RBM26: variants seen among roughly 807,000 people sequenced by gnomAD.
RBM26 encodes RNA binding motif protein 26.
Under a neutral mutation model 123.6 loss-of-function variants are expected in RBM26, and 30 were observed. That is an observed-to-expected ratio of 0.24 (90% confidence interval 0.18 to 0.33). The LOEUF is 0.33. RBM26 is among the 10% of genes least tolerant of loss of function. The pLI, the probability that RBM26 is intolerant of heterozygous loss-of-function variation, is 1.00. For synonymous variants in RBM26, 400 were observed against 404.4 expected (o/e 0.99, Z 0.13); for missense variants, 947 against 1,203.6 (o/e 0.79, Z 3.15).
intron 14 of RBM26, among the ~76,000 whole-genome samples, chr13:79,352,526 TAATA>T (rs547829547): frequency 1.2e-3 from 181 of 152,178 alleles, no homozygotes; most frequent in African/African-American, 4.2e-3. Context: ...GGTCTTGATT[TAATA>T]AATATTTACC....
chr13:79,324,704 TA>T (rs1220852875), intron 20 of RBM26, among the ~76,000 whole-genome samples: 1 of 151,874 alleles, frequency 6.6e-6, no homozygotes, highest in African/African-American at 2.4e-5. Context: ...ATATTAAGAC[TA>T]TTTTTTTTAA....
At chr13:79,354,311 G>T in intron 13 of RBM26, 128 bp downstream of exon 13, 1 of 733,922 alleles carries the variant, frequency 1.4e-6, no homozygotes, top group Non-Finnish European at 1.9e-6. Context: ...TTATAGGTGG[G>T]GTTCAAATAT....
intron 14 of RBM26, among the ~76,000 whole-genome samples, chr13:79,348,696 T>G (rs1047940977): frequency 2.0e-5 from 3 of 152,176 alleles, no homozygotes; most frequent in Non-Finnish European, 4.4e-5. Flanking sequence ...GTTTTCATAG[T>G]AAGTAGTCAC....
intron 3 of RBM26, among the ~76,000 whole-genome samples, chr13:79,373,360 T>C (rs1413962583): frequency 5.8e-5 from 6 of 103,616 alleles, no homozygotes; most frequent in African/African-American, 2.4e-4. Flanking sequence ...ATAAAATATA[T>C]AAATATATAA....
Position 79,367,430 on chromosome 13 carries a change from A to AAAG in RBM26, c.896-561_896-559dup, listed in dbSNP as rs1474184131. On this transcript the variant is annotated intron_variant, in intron 6 of 21. Transcript: ENST00000438737. ...TCAAAAAAAAAAAAAAAAAAAAAAA[A>AAAG]AAGAAGAAGAAGAGGCAAAAGAGAG... Among the ~76,000 whole-genome samples, 225 of 47,132 alleles carry AAAG rather than the reference A, an allele frequency of 4.8e-3. 1 individual carries two copies. Among genetic ancestry groups the AAAG allele is most frequent in the African/African-American group, 8.8e-3 (168 of 19,094 alleles). 30.9% of individuals were successfully genotyped at this position (47,132 alleles called of 152,430 possible).
chr13:79,322,880 C>T (rs1346230438), intron 20 of RBM26, among the ~76,000 whole-genome samples: 1 of 151,226 alleles, frequency 6.6e-6, no homozygotes, highest in African/African-American at 2.4e-5. Context: ...GATCAATATG[C>T]TAAATATATT....
chr13:79,352,326 T>C (rs1387433091), intron 14 of RBM26, among the ~76,000 whole-genome samples: 1 of 152,190 alleles, frequency 6.6e-6, no homozygotes, highest in African/African-American at 2.4e-5. Context: ...ACTCACAGTA[T>C]ACAGATGAAA....
intron 20 of RBM26, among the ~76,000 whole-genome samples, chr13:79,324,277 A>C (rs996192315): frequency 6.6e-6 from 1 of 152,018 alleles, no homozygotes; most frequent in African/African-American, 2.4e-5. Flanking sequence ...CTTCATGGTT[A>C]AATTATTAAC....
chr13:79,366,508 G>A (rs967641489), intron 7 of RBM26, 125 bp downstream of exon 7: 1 of 974,510 alleles, frequency 1.0e-6, no homozygotes, highest in Admixed American at 2.7e-5. Flanking sequence ...GAAGTATACT[G>A]CTATTAATTT....
At chr13:79,334,256 A>C in intron 20 of RBM26, 88 bp downstream of exon 20, 1 of 710,436 alleles carries the variant, frequency 1.4e-6, no homozygotes, top group South Asian at 1.9e-5. Flanking sequence ...ATTATTTAGT[A>C]AGTTAAAAAA....
chr13:79,405,237 T>C (rs1236175147), intron 1 of RBM26, among the ~76,000 whole-genome samples: 1 of 152,160 alleles, frequency 6.6e-6, no homozygotes, highest in Non-Finnish European at 1.5e-5. Context: ...TGAAGAGAGG[T>C]GCAGATGAGC....
At chr13:79,325,799 C>T (rs2068311926) in intron 20 of RBM26, among the ~76,000 whole-genome samples, 1 of 152,140 alleles carries the variant, frequency 6.6e-6, no homozygotes, top group African/African-American at 2.4e-5. Flanking sequence ...TAGGCCTTTA[C>T]ATTCACTCAC....
Position 79,319,779 on chromosome 13 carries a change from T to C in RBM26, c.*842A>G. The C allele has an allele frequency of 1.0e-6, 1 of 978,862 alleles. No homozygotes were observed. The highest frequency in any genetic ancestry group is 1.2e-6 in the Non-Finnish European group (1 of 824,236). The allele number at this position is 978,862 out of a possible 1,614,324, so 60.6% of individuals were successfully genotyped here. A position where few individuals can be genotyped will look rare whatever the true frequency, so the allele number is the denominator to read the frequency against. On this transcript the variant is annotated 3_prime_UTR_variant, in exon 22 of 22. Coordinates refer to ENST00000438737, the MANE Select transcript of RBM26 (RefSeq NM_001366735.2). ...TAATTTTTAAACATTGGATTGTACA[T>C]TATTGTAAGGGTACCAGTAACCATT...
chr13:79,362,169 T>C (rs2074771510), intron 9 of RBM26, among the ~76,000 whole-genome samples: 1 of 152,112 alleles, frequency 6.6e-6, no homozygotes. Context: ...AGTTAAACAC[T>C]TTCAAAACTA....
chr13:79,368,923 T>A lies in RBM26; in HGVS notation c.702A>T (p.Pro234=). ...RTDPLENNYT[P]VSSVPSISSG... ...ATGAAATACTAGGTACCGAAGAGACTGGAGTATAATTATTTTCTAATGGAT... is the reference window on the plus strand; with the variant it reads ...ATGAAATACTAGGTACCGAAGAGACAGGAGTATAATTATTTTCTAATGGAT... The change falls in exon 6 of 22, where the codon CCA becomes CCT. Residue 234 remains proline (P), a synonymous_variant. Transcript: ENST00000438737. 6.2e-7 allele frequency: 1 copy of A among 1,610,596 alleles called. No homozygotes were observed. The highest frequency in any genetic ancestry group is 8.5e-7 in the Non-Finnish European group (1 of 1,176,836).
At chr13:79,377,320 G>A in intron 3 of RBM26, 59 bp downstream of exon 3, 1 of 1,463,586 alleles carries the variant, frequency 6.8e-7, no homozygotes, top group Non-Finnish European at 9.5e-7. Flanking sequence ...TAAAAACTCA[G>A]TTTGGTTATT....
chr13:79,380,394 C>T, intron 1 of RBM26, among the ~76,000 whole-genome samples: 1 of 151,630 alleles, frequency 6.6e-6, no homozygotes, highest in East Asian at 1.9e-4. Context: ...AGAGAGAAAT[C>T]TGGTTTATAT....
At chr13:79,395,697 A>C (rs929062688) in intron 1 of RBM26, among the ~76,000 whole-genome samples, 1 of 152,170 alleles carries the variant, frequency 6.6e-6, no homozygotes, top group Non-Finnish European at 1.5e-5. Context: ...ATGAGCTATA[A>C]TCATGCCACT....
intron 9 of RBM26, among the ~76,000 whole-genome samples, chr13:79,362,083 G>A (rs1281709894): frequency 6.6e-6 from 1 of 152,244 alleles, no homozygotes; most frequent in South Asian, 2.1e-4. Context: ...CTAGTCAACT[G>A]TCTCTCATGG....
Sources: allele counts gnomAD v4.1 joint callset (sites outside exome capture counted in the v4.1 genomes callset), GRCh38; gene constraint gnomAD v4.1.1; transcripts MANE v1.5; gene names NCBI Gene and HGNC (gene_info 2026-07-23, HGNC 2026-07-21).